The following DOCK4 variants were observed in gnomAD, a reference collection of about 807,000 sequenced individuals.
The protein encoded by DOCK4 is dedicator of cytokinesis 4.
Under a neutral mutation model 268.1 loss-of-function variants are expected in DOCK4, and 97 were observed. That is an observed-to-expected ratio of 0.36 (90% CI 0.31 to 0.43). The LOEUF (loss-of-function observed/expected upper bound fraction) is 0.43. DOCK4 is among the 20% of genes least tolerant of loss of function. The pLI, the probability that DOCK4 is intolerant of heterozygous loss-of-function variation, is 1.00. For synonymous variants in DOCK4, 954 were observed against 887.2 expected (o/e 1.08, Z -1.34); for missense variants, 2,145 against 2,455.7 (o/e 0.87, Z 2.67).
At chr7:111,979,556 C>T (rs1404631372) in intron 7 of DOCK4, among the ~76,000 whole-genome samples, 1 of 151,454 alleles carries the variant, frequency 6.6e-6, no homozygotes, top group Non-Finnish European at 1.5e-5. Flanking sequence ...CAAGGCTTCA[C>T]CATCCCCCCT....
At position 111,758,630 on chromosome 7, in the gene DOCK4, T is replaced by C; in HGVS notation, c.4323A>G (p.Glu1441=). 1 of 1,613,936 alleles carries C rather than the reference T, an allele frequency of 6.2e-7. No individual in the cohort carries two copies. ...AATAAGAATTGCATGGTACCTTGAATTCATTCTCTTTATCTTTTGTGCCTT... is the reference window on the plus strand; with the variant it reads ...AATAAGAATTGCATGGTACCTTGAACTCATTCTCTTTATCTTTTGTGCCTT... ...FHKGTKDKEN[E]FKSLWVERTS... The change falls in exon 41 of 53, where the codon GAA becomes GAG. Residue 1441 remains glutamate, a synonymous_variant. Coordinates refer to ENST00000428084, the MANE Select transcript of DOCK4 (RefSeq NM_001363540.2).
intron 36 of DOCK4, among the ~76,000 whole-genome samples, chr7:111,772,305 G>C (rs1054918441): frequency 6.6e-6 from 1 of 152,068 alleles, no homozygotes; most frequent in East Asian, 1.9e-4. Context: ...CCAGCTACTT[G>C]GGAGGCTGAG....
chr7:111,729,356 G>C (rs765377726), intron 52 of DOCK4, among the ~76,000 whole-genome samples: 4 of 152,144 alleles, frequency 2.6e-5, no homozygotes, highest in African/African-American at 4.8e-5. Flanking sequence ...CCAGGAGCTT[G>C]AGACCAGCCT....
intron 43 of DOCK4, among the ~76,000 whole-genome samples, chr7:111,746,649 C>G (rs574617759): frequency 6.6e-6 from 1 of 152,216 alleles, no homozygotes; most frequent in East Asian, 1.9e-4. Flanking sequence ...AAATAAAGAA[C>G]AAGCCCAAAT....
At chr7:112,090,342 TAG>T in intron 1 of DOCK4, among the ~76,000 whole-genome samples, 1 of 152,278 alleles carries the variant, frequency 6.6e-6, no homozygotes, top group South Asian at 2.1e-4. Context: ...CTGTACAATA[TAG>T]AGTTATGGAT....
chr7:112,137,162 AT>A lies in DOCK4; in HGVS notation c.37+68939del, dbSNP rs889587545. Reference sequence around the variant, plus strand: ...AATAACTGCCAACCACATTTAAATAATTTTTTTATCATAGCTTATGTGATGC... The same window carrying A: ...AATAACTGCCAACCACATTTAAATAATTTTTTATCATAGCTTATGTGATGC... On this transcript the variant is annotated intron_variant, in intron 1 of 52. Coordinates refer to ENST00000428084, the MANE Select transcript of DOCK4 (RefSeq NM_001363540.2). 4.6e-5 allele frequency among the ~76,000 whole-genome samples: 7 copies of A among 152,172 alleles called. 1 individual carries two copies. The highest frequency in any genetic ancestry group is 1.3e-4 in the Admixed American group (2 of 15,280).
Position 112,206,304 on chromosome 7 carries a change from T to G in DOCK4, c.-166A>C, listed in dbSNP as rs1821403780. The G allele has an allele frequency of 1.4e-6, 1 of 701,586 alleles. No individual in the cohort carries two copies. Among genetic ancestry groups the G allele is most frequent in the Non-Finnish European group, 2.3e-6 (1 of 427,652 alleles). The allele number at this position is 701,586 out of a possible 1,614,324, so 43.5% of individuals were successfully genotyped here. The stretch of plus-strand genomic sequence containing the variant: ...GCGCTGGAGGCTCCCGAGCCCAGCG[T>G]TGACACTGCGCCGCCCGCAGCTCTC... On this transcript the variant is annotated 5_prime_UTR_variant, in exon 1 of 53. Transcript: ENST00000428084.
intron 38 of DOCK4, 148 bp downstream of exon 38, chr7:111,766,884 T>G: frequency 1.7e-6 from 1 of 583,132 alleles, no homozygotes. Flanking sequence ...ATTTGCTATT[T>G]CTCTATATAA....
At chr7:111,846,743 G>C (rs1201571631) in intron 24 of DOCK4, among the ~76,000 whole-genome samples, 1 of 152,180 alleles carries the variant, frequency 6.6e-6, no homozygotes, top group East Asian at 1.9e-4. Flanking sequence ...GAGGCTTTGA[G>C]ATTTCTCATT....
intron 51 of DOCK4, among the ~76,000 whole-genome samples, chr7:111,733,307 A>C (rs942538335): frequency 1.3e-5 from 2 of 152,220 alleles, no homozygotes; most frequent in Admixed American, 1.3e-4. Context: ...CAGCCCTGCC[A>C]GTTAACTTGG....
intron 2 of DOCK4, among the ~76,000 whole-genome samples, chr7:112,001,347 C>T (rs1330960312): frequency 6.6e-6 from 1 of 152,168 alleles, no homozygotes; most frequent in Admixed American, 6.5e-5. Flanking sequence ...CCCGTGCCTG[C>T]CCGCTCAGTT....
chr7:111,925,745 G>A (rs79966770), intron 12 of DOCK4, among the ~76,000 whole-genome samples: 5,826 of 152,224 alleles, frequency 0.038, 347 homozygotes, highest in East Asian at 0.28. Flanking sequence ...AATTTGGGAT[G>A]TATCTCCTCT....
At chr7:112,122,640 GT>G (rs2115926158) in intron 1 of DOCK4, among the ~76,000 whole-genome samples, 1 of 152,146 alleles carries the variant, frequency 6.6e-6, no homozygotes, top group South Asian at 2.1e-4. Flanking sequence ...ACCCTCTAGT[GT>G]TTAGCCCAAG....
intron 22 of DOCK4, among the ~76,000 whole-genome samples, chr7:111,866,039 G>C (rs930267894): frequency 3.3e-5 from 5 of 152,200 alleles, no homozygotes; most frequent in Non-Finnish European, 7.4e-5. Flanking sequence ...CTAAGGAAAG[G>C]ACCCAACCAA....
chr7:111,888,132 A>G (rs909540986), intron 16 of DOCK4, among the ~76,000 whole-genome samples: 2 of 151,694 alleles, frequency 1.3e-5, no homozygotes, highest in Admixed American at 6.6e-5. Context: ...GTTTGCCTGC[A>G]ATGTTGATGG....
chr7:112,128,429 C>T (rs1006328341), intron 1 of DOCK4, among the ~76,000 whole-genome samples: 16 of 152,198 alleles, frequency 1.1e-4, no homozygotes, highest in Admixed American at 7.2e-4. Flanking sequence ...CCCAACAGCT[C>T]ATTGAGAACG....
chr7:112,102,412 C>T (rs1015638939), intron 1 of DOCK4, among the ~76,000 whole-genome samples: 1 of 152,062 alleles, frequency 6.6e-6, no homozygotes, highest in African/African-American at 2.4e-5. Flanking sequence ...AGTTGTGTGG[C>T]CTTGGGAAAG....
At position 111,746,542 on chromosome 7, in the gene DOCK4, T is replaced by A; in HGVS notation, c.4594-125A>T. 5.7e-6 allele frequency: 4 copies of A among 700,592 alleles called. No individual in the cohort carries two copies. In the South Asian group the frequency reaches 7.3e-5, roughly 13 times the overall value. The allele number at this position is 700,592 out of a possible 1,614,324, so 43.4% of individuals were successfully genotyped here. A position where few individuals can be genotyped will look rare whatever the true frequency, so the allele number is the denominator to read the frequency against. ...ATTACAAACCACATTTTGGGACAGA[T>A]GGGCTGATTACTAGTGTAGGTGGTT... On this transcript the variant is annotated intron_variant, in intron 43 of 52. Transcript: ENST00000428084.
At position 111,982,067 on chromosome 7, in the gene DOCK4, G is replaced by A. The variant is rs549888558; in HGVS notation, c.549+2239C>T. On this transcript the variant is annotated intron_variant, in intron 7 of 52. Transcript: ENST00000428084. ...TGTGCCTAAGCTCTGCCAATGAGAT[G>A]TAAGTGCAAGTGTTGTGCGGAACTT... Among the ~76,000 whole-genome samples, 35 of 152,334 alleles carry A rather than the reference G, an allele frequency of 2.3e-4. No individual in the cohort carries two copies. In the South Asian group the frequency reaches 4.6e-3, roughly 20 times the overall value.
Sources: allele counts gnomAD v4.1 joint callset (sites outside exome capture counted in the v4.1 genomes callset), GRCh38; gene constraint gnomAD v4.1.1; transcripts MANE v1.5; gene names NCBI Gene and HGNC (gene_info 2026-07-23, HGNC 2026-07-21).